Variants in PPP4R3B observed in about 807,000 individuals in gnomAD.
PPP4R3B encodes serine/threonine-protein phosphatase 4 regulatory subunit 3B.
PPP4R3B carries 52 observed loss-of-function variants against 95.4 expected under a neutral mutation model. That is an observed-to-expected ratio of 0.54 (90% CI 0.44 to 0.69). The LOEUF (loss-of-function observed/expected upper bound fraction) is 0.69, where lower values mean the gene tolerates loss of function less well. Ranked by LOEUF, PPP4R3B falls within the 30% of genes least tolerant of loss-of-function variation. The pLI, the probability that PPP4R3B is intolerant of heterozygous loss-of-function variation, is 0.00. For missense variants in PPP4R3B, 1,003 were observed against 1,005.9 expected, an observed-to-expected ratio of 1.00 and a Z score of 0.04; for synonymous variants, 407 against 343.9, an observed-to-expected ratio of 1.18 and a Z score of -2.03.
At chr2:55,556,418 A>T (rs1685852551) in intron 16 of PPP4R3B, among the ~76,000 whole-genome samples, 1 of 152,232 alleles carries the variant, frequency 6.6e-6, no homozygotes, top group Non-Finnish European at 1.5e-5. Flanking sequence ...AATATAACAG[A>T]AAATATAACA....
intron 2 of PPP4R3B, among the ~76,000 whole-genome samples, chr2:55,607,569 T>C (rs966140862): frequency 1.6e-4 from 25 of 152,102 alleles, no homozygotes; most frequent in African/African-American, 5.8e-4. Flanking sequence ...GGCTCAAAGG[T>C]TGCATTACCT....
At chr2:55,576,192 C>CA (rs1688637490) in intron 11 of PPP4R3B, among the ~76,000 whole-genome samples, 1 of 151,816 alleles carries the variant, frequency 6.6e-6, no homozygotes, top group East Asian at 1.9e-4. Context: ...AATAAAAATA[C>CA]AAAAAAATTA....
chr2:55,566,980 T>C (rs1227264520), intron 13 of PPP4R3B, among the ~76,000 whole-genome samples: 1 of 152,208 alleles, frequency 6.6e-6, no homozygotes, highest in Non-Finnish European at 1.5e-5. Context: ...GTACTCCAGC[T>C]TGGGCAACAG....
intron 14 of PPP4R3B, 76 bp from the exon 15 acceptor site, chr2:55,564,573 A>G (rs994110651): frequency 7.8e-7 from 1 of 1,286,442 alleles, no homozygotes; most frequent in Non-Finnish European, 1.1e-6. Flanking sequence ...AAAAATATGT[A>G]TAACCAAGAT....
chr2:55,605,029 C>T (rs568076243), intron 2 of PPP4R3B, among the ~76,000 whole-genome samples: 25 of 152,088 alleles, frequency 1.6e-4, no homozygotes, highest in African/African-American at 6.0e-4. Context: ...CAGGGTTTCA[C>T]CATTTTGCCC....
chr2:55,615,583 C>T (rs992620816), intron 1 of PPP4R3B, 77 bp from the exon 2 acceptor site: 3 of 1,037,928 alleles, frequency 2.9e-6, no homozygotes. Context: ...ACATTAAAGC[C>T]GGGCGCAGTG....
At chr2:55,602,844 T>A (rs924380203) in intron 3 of PPP4R3B, among the ~76,000 whole-genome samples, 1 of 152,208 alleles carries the variant, frequency 6.6e-6, no homozygotes, top group Non-Finnish European at 1.5e-5. Context: ...TTTGCTGAAT[T>A]CTGTGAGTCT....
At chr2:55,565,854 G>C (rs1427644848) in intron 13 of PPP4R3B, 1 of 156,640 alleles carries the variant, frequency 6.4e-6, no homozygotes, top group Non-Finnish European at 1.4e-5. Context: ...CACACACACA[G>C]AAGAAGAAAA....
At chr2:55,564,232 A>C in intron 15 of PPP4R3B, 81 bp downstream of exon 15, 7 of 1,293,470 alleles carry the variant, frequency 5.4e-6, no homozygotes, top group Non-Finnish European at 7.2e-6. Flanking sequence ...TGTAAACTAT[A>C]AACAAACCTT....
At position 55,558,857 on chromosome 2, in the gene PPP4R3B, A is replaced by G. The variant is rs529907188; in HGVS notation, c.2372T>C (p.Val791Ala). 9.3e-6 allele frequency: 15 copies of G among 1,614,054 alleles called. No individual in the cohort carries two copies. Among genetic ancestry groups the G allele is most frequent in the Middle Eastern group, 1.6e-4 (1 of 6,062 alleles). ...SAANGTNSKS[V>A]VAQIPPATSN... ...AGTTGCTGGTGGTATCTGAGCCACT[A>G]CAGATTTACTGTTTGTTCCATTAGC... is the stretch of plus-strand genomic sequence containing the variant. Residue 791 changes from valine (V) to alanine (A), a missense_variant, in exon 16 of 17, where the codon GTA becomes GCA. Val to Ala is a moderately conservative substitution (Grantham distance 64). Transcript: ENST00000616407.
At chr2:55,555,573 G>T (rs1685744247) in intron 16 of PPP4R3B, among the ~76,000 whole-genome samples, 1 of 152,118 alleles carries the variant, frequency 6.6e-6, no homozygotes, top group Non-Finnish European at 1.5e-5. Flanking sequence ...AATTAGCCAG[G>T]CATGGTGTCG....
At chr2:55,593,775 T>C (rs1287123159) in intron 4 of PPP4R3B, among the ~76,000 whole-genome samples, 1 of 152,170 alleles carries the variant, frequency 6.6e-6, no homozygotes, top group East Asian at 1.9e-4. Context: ...GGCCACAATC[T>C]TATTTCTTTC....
Position 55,585,053 on chromosome 2 carries a change from C to A in PPP4R3B, c.1231G>T (p.Asp411Tyr). The change falls in exon 7 of 17, where the codon GAC becomes TAC. Residue 411 changes from aspartate (D) to tyrosine (Y), a missense_variant and splice_region_variant. Physicochemically the swap from Asp to Tyr is radical, Grantham distance 160. Transcript: ENST00000616407. ...AGAACCACAGCATTATTACTTACGT[C>A]ATCACTCTGCTGAGCTTCTTGCATT... ...FVMQEAQQSDDDILLINVVIE... is the reference protein window; with the variant it reads ...FVMQEAQQSDYDILLINVVIE... 6.2e-7 allele frequency: 1 copy of A among 1,606,428 alleles called. No homozygotes were observed. Among genetic ancestry groups the A allele is most frequent in the African/African-American group, 1.3e-5 (1 of 74,854 alleles).
intron 10 of PPP4R3B, among the ~76,000 whole-genome samples, chr2:55,577,585 A>T (rs1198833687): frequency 1.3e-5 from 2 of 152,152 alleles, no homozygotes; most frequent in Non-Finnish European, 2.9e-5. Context: ...AAATATTCTG[A>T]TAAAAAGTAA....
chr2:55,563,967 C>A (rs1193804197), intron 15 of PPP4R3B, among the ~76,000 whole-genome samples: 1 of 152,182 alleles, frequency 6.6e-6, no homozygotes, highest in East Asian at 1.9e-4. Flanking sequence ...GCAAAGTACT[C>A]TAGAAGGTTT....
At chr2:55,577,087 T>G (rs952823880) in intron 11 of PPP4R3B, among the ~76,000 whole-genome samples, 8 of 152,188 alleles carry the variant, frequency 5.3e-5, no homozygotes, top group African/African-American at 1.7e-4. Context: ...TGCCTTCTCA[T>G]AACAACATCA....
In PPP4R3B at chr2:55,610,181, C is replaced by A. The variant is rs556934755; in HGVS notation, c.198+5270G>T. Among the ~76,000 whole-genome samples, 17 of 152,216 alleles carry A rather than the reference C, an allele frequency of 1.1e-4. 1 individual carries two copies. In the East Asian group the frequency reaches 3.3e-3, roughly 29 times the overall value. On this transcript the variant is annotated intron_variant, in intron 2 of 16. Transcript: ENST00000616407. ...ACTTTCTGGAAAATATACTGGAGCT[C>A]TGTTCCTTCAAGTCCATTTACCGTG...
intron 1 of PPP4R3B, 36 bp downstream of exon 1, chr2:55,617,108 G>A: frequency 1.3e-6 from 2 of 1,574,050 alleles, no homozygotes; most frequent in Non-Finnish European, 8.6e-7. Context: ...CCAACCAGAG[G>A]CACTATCCCC....
intron 7 of PPP4R3B, among the ~76,000 whole-genome samples, chr2:55,584,591 T>G (rs980632862): frequency 5.9e-5 from 9 of 152,208 alleles, no homozygotes; most frequent in Non-Finnish European, 1.2e-4. Context: ...GTTGAGAACA[T>G]ACGATGTTTG....
Sources: gnomAD v4.1 joint callset for allele counts (sites outside exome capture counted in the v4.1 genomes callset) on GRCh38, gnomAD v4.1.1 for gene constraint, MANE v1.5 for transcripts, NCBI Gene and HGNC (gene_info 2026-07-23, HGNC 2026-07-21) for gene names.